NCOA1: variants seen among roughly 807,000 people sequenced by gnomAD.
The protein encoded by NCOA1 is nuclear receptor coactivator 1.
A neutral mutation model predicts 150.9 loss-of-function variants in NCOA1; 35 were observed. That is an observed-to-expected ratio of 0.23 (90% CI 0.18 to 0.31). The LOEUF is 0.31. NCOA1 is among the 10% of genes least tolerant of loss of function. The pLI is 1.00. For missense variants in NCOA1, 1,491 were observed against 1,749.3 expected, an observed-to-expected ratio of 0.85 and a Z score of 2.63; for synonymous variants, 590 against 630.0, an observed-to-expected ratio of 0.94 and a Z score of 0.95.
chr2:24,767,138 G>A (rs918775791), intron 22 of NCOA1, among the ~76,000 whole-genome samples: 1 of 152,158 alleles, frequency 6.6e-6, no homozygotes, highest in Non-Finnish European at 1.5e-5. Flanking sequence ...TTGACATTTG[G>A]CTAATGAAGG....
chr2:24,526,344 TC>T (rs1050147131), intron 1 of NCOA1, among the ~76,000 whole-genome samples: 48 of 152,212 alleles, frequency 3.2e-4, no homozygotes, highest in African/African-American at 1.1e-3. Flanking sequence ...AATAAATTTC[TC>T]CCCCTTACTG....
At chr2:24,532,513 A>C (rs1176525853) in intron 1 of NCOA1, among the ~76,000 whole-genome samples, 1 of 152,204 alleles carries the variant, frequency 6.6e-6, no homozygotes, top group Non-Finnish European at 1.5e-5. Flanking sequence ...TGTTTTAGAC[A>C]TGAAGTCCTT....
intron 14 of NCOA1, among the ~76,000 whole-genome samples, chr2:24,719,045 A>C (rs1264187894): frequency 2.0e-5 from 3 of 150,824 alleles, no homozygotes; most frequent in Non-Finnish European, 3.0e-5. Flanking sequence ...AAAAAAAAAA[A>C]AAAAAAAAAA....
At chr2:24,713,604 C>G (rs991328584) in intron 14 of NCOA1, among the ~76,000 whole-genome samples, 5 of 152,204 alleles carry the variant, frequency 3.3e-5, no homozygotes, top group African/African-American at 1.2e-4. Flanking sequence ...AGTCCTCCCA[C>G]TGTAAATAAC....
chr2:24,667,952 T>G (rs531019159), intron 6 of NCOA1, among the ~76,000 whole-genome samples: 2 of 152,360 alleles, frequency 1.3e-5, no homozygotes, highest in African/African-American at 2.4e-5. Flanking sequence ...TTTTTACATC[T>G]GACATATGAC....
chr2:24,576,170 G>GTTTTTTTTTTTT (rs869093026), intron 2 of NCOA1, among the ~76,000 whole-genome samples: 1 of 46,318 alleles, frequency 2.2e-5, no homozygotes, highest in African/African-American at 6.4e-5. Flanking sequence ...TTTGTTTTTT[G>GTTTTTTTTTTTT]TTTTTTTTTT....
chr2:24,765,241 C>T (rs564090505), intron 22 of NCOA1, among the ~76,000 whole-genome samples: 66 of 151,754 alleles, frequency 4.3e-4, no homozygotes, highest in African/African-American at 1.4e-3. Context: ...CGGTGGCTCA[C>T]GCCTGTAATC....
At chr2:24,611,661 TTGTAA>T (rs1027671928) in intron 3 of NCOA1, among the ~76,000 whole-genome samples, 6 of 152,222 alleles carry the variant, frequency 3.9e-5, no homozygotes, top group African/African-American at 1.2e-4. Flanking sequence ...GAACCCTTTA[TTGTAA>T]TGTAATGTCC....
At chr2:24,531,875 G>C (rs1664915633) in intron 1 of NCOA1, among the ~76,000 whole-genome samples, 1 of 152,162 alleles carries the variant, frequency 6.6e-6, no homozygotes, top group Admixed American at 6.5e-5. Flanking sequence ...ATTCGGGTTG[G>C]TTCCAAGTCT....
At chr2:24,577,602 C>G (rs1348783572) in intron 2 of NCOA1, among the ~76,000 whole-genome samples, 1 of 152,148 alleles carries the variant, frequency 6.6e-6, no homozygotes, top group Admixed American at 6.5e-5. Context: ...TGGTTGAACT[C>G]ATGGTTTCAG....
At chr2:24,760,810 A>C (rs1018237763) in intron 21 of NCOA1, among the ~76,000 whole-genome samples, 4 of 151,940 alleles carry the variant, frequency 2.6e-5, no homozygotes, top group African/African-American at 4.8e-5. Flanking sequence ...TATAATTTTC[A>C]TTAAATTTTG....
intron 2 of NCOA1, among the ~76,000 whole-genome samples, chr2:24,583,747 TG>T (rs1201185504): frequency 1.3e-5 from 2 of 152,308 alleles, no homozygotes; most frequent in African/African-American, 4.8e-5. Context: ...TGGAGCAATG[TG>T]GATGAACCTG....
At chr2:24,659,105 T>C (rs1671069500) in intron 5 of NCOA1, 1 of 209,590 alleles carries the variant, frequency 4.8e-6, no homozygotes, top group East Asian at 1.1e-4. Context: ...GATCCATAAT[T>C]GCAGATTTTT....
intron 1 of NCOA1, among the ~76,000 whole-genome samples, chr2:24,524,090 C>G (rs1187676163): frequency 6.6e-6 from 1 of 152,038 alleles, no homozygotes; most frequent in Non-Finnish European, 1.5e-5. Context: ...ACAAAAATAT[C>G]TTCATCCCCA....
At position 24,602,360 on chromosome 2, in the gene NCOA1, C is replaced by T. The variant is rs927018086; in HGVS notation, c.-175+17800C>T. On this transcript the variant is annotated intron_variant, in intron 3 of 22. Transcript: ENST00000348332. Reference sequence around the variant, plus strand: ...GGACTACAGGGGTGCACCACCACACCGGGCTAATATTTTAATTTTTTGTAG... The same window carrying T: ...GGACTACAGGGGTGCACCACCACACTGGGCTAATATTTTAATTTTTTGTAG... Among the ~76,000 whole-genome samples, 5 of 151,824 alleles carry T rather than the reference C, an allele frequency of 3.3e-5. No homozygotes were observed. In the South Asian group the frequency reaches 1.0e-3, roughly 32 times the overall value.
At chr2:24,537,540 T>G (rs1210581332) in intron 1 of NCOA1, among the ~76,000 whole-genome samples, 1 of 151,320 alleles carries the variant, frequency 6.6e-6, no homozygotes, top group Non-Finnish European at 1.5e-5. Context: ...TGCACAGAGA[T>G]AGAGAATGAA....
intron 6 of NCOA1, among the ~76,000 whole-genome samples, chr2:24,666,755 C>T (rs777123347): frequency 6.6e-6 from 1 of 152,056 alleles, no homozygotes; most frequent in Non-Finnish European, 1.5e-5. Flanking sequence ...GCCTCAGCCT[C>T]CCAAGTAGCT....
At chr2:24,619,299 A>C (rs1669010993) in intron 3 of NCOA1, among the ~76,000 whole-genome samples, 1 of 152,222 alleles carries the variant, frequency 6.6e-6, no homozygotes, top group South Asian at 2.1e-4. Flanking sequence ...GCTTACATGA[A>C]ACTGAAAAAG....
chr2:24,658,536 G>C (rs1243287060), intron 4 of NCOA1, 125 bp from the exon 5 acceptor site: 3 of 627,960 alleles, frequency 4.8e-6, no homozygotes, highest in Non-Finnish European at 8.6e-6. Flanking sequence ...TATGATGGCT[G>C]TAATTATCTA....
Sources: allele counts gnomAD v4.1 joint callset (sites outside exome capture counted in the v4.1 genomes callset), GRCh38; gene constraint gnomAD v4.1.1; transcripts MANE v1.5; gene names NCBI Gene and HGNC (gene_info 2026-07-23, HGNC 2026-07-21).